Variants in GGCX observed in about 807,000 individuals in gnomAD.
GGCX encodes vitamin K-dependent gamma-carboxylase.
Under a neutral mutation model 88.5 loss-of-function variants are expected in GGCX, and 63 were observed. The observed-to-expected ratio is 0.71, with a 90% confidence interval of 0.58 to 0.88. The LOEUF is 0.88. Among genes scored for constraint, GGCX ranks in the 40% least tolerant of loss-of-function variants. The probability of loss-of-function intolerance (pLI) is 0.00; values close to 1 mark genes in which losing one functional copy is unlikely to be tolerated. For missense variants in GGCX, 805 were observed against 932.9 expected, an observed-to-expected ratio of 0.86 and a Z score of 1.79; for synonymous variants, 368 against 365.8, an observed-to-expected ratio of 1.01 and a Z score of -0.07.
chr2:85,555,121 C>T (rs1305677013), intron 6 of GGCX: 2 of 236,708 alleles, frequency 8.4e-6, no homozygotes, highest in African/African-American at 4.5e-5. Context: ...CCCATCTTCT[C>T]AGTACATCAG....
chr2:85,548,319 G>A lies in GGCX; in HGVS notation c.*1615C>T, dbSNP rs1691770789. ...ACCTAGAGATAACAGCTTGGCTAAG[G>A]TACAGAGCTGCCATTCAATAATAAA... On this transcript the variant is annotated 3_prime_UTR_variant, in exon 15 of 15. Coordinates refer to ENST00000233838, the MANE Select transcript of GGCX (RefSeq NM_000821.7). 6.6e-6 allele frequency: 1 copy of A among 152,174 alleles called. No homozygotes were observed. Among genetic ancestry groups the A allele is most frequent in the South Asian group, 2.1e-4 (1 of 4,830 alleles). The allele number at this position is 152,174 out of a possible 1,614,324, so 9.4% of individuals were successfully genotyped here.
At chr2:85,553,543 C>T (rs1692072391) in intron 7 of GGCX, 46 bp from the exon 8 acceptor site, 2 of 1,582,296 alleles carry the variant, frequency 1.3e-6, no homozygotes, top group Non-Finnish European at 1.7e-6. Flanking sequence ...TTTGGCTGGG[C>T]CTCTTCAACC....
chr2:85,556,499 T>C (rs1692207445), intron 4 of GGCX, among the ~76,000 whole-genome samples: 1 of 152,214 alleles, frequency 6.6e-6, no homozygotes, highest in Non-Finnish European at 1.5e-5. Flanking sequence ...TAGCTCCCAG[T>C]TGAGTTTGTT....
chr2:85,557,658 G>A (rs1457427759), intron 4 of GGCX, among the ~76,000 whole-genome samples: 4 of 152,018 alleles, frequency 2.6e-5, no homozygotes, highest in Admixed American at 2.0e-4. Flanking sequence ...TGTAATCCCA[G>A]CACTTTGGGA....
chr2:85,557,672 C>T (rs1336565856), intron 4 of GGCX, among the ~76,000 whole-genome samples: 4 of 151,952 alleles, frequency 2.6e-5, no homozygotes, highest in South Asian at 4.2e-4. Context: ...TTTGGGAGGC[C>T]GAGGTGGGAG....
rs2103969993 is a variant in GGCX at position 85,554,273 on chromosome 2, C to T, written c.759G>A (p.Leu253=). ...LLLSEELTSL[L]VVHWGGLLLD... ...GCAGCAGCCCACCCCAGTGCACGAC[C>T]AGCAGGCTAGTCAGCTCCTCAGACA... The change falls in exon 7 of 15, where the codon CTG becomes CTA. Residue 253 remains leucine (L), a synonymous_variant. Transcript: ENST00000233838. The T allele has an allele frequency of 1.9e-6, 3 of 1,613,990 alleles. No individual in the cohort carries two copies. The highest frequency in any genetic ancestry group is 2.2e-5 in the South Asian group (2 of 91,082).
Position 85,554,137 on chromosome 2 carries a change from A to G in GGCX, c.889+6T>C, listed in dbSNP as rs750528250. On this transcript the variant is annotated splice_donor_region_variant and intron_variant, in intron 7 of 14. Transcript: ENST00000233838. ...TCCTGTTTCCTCCCAGGCTACAGGT[A>G]CTGACCAATGCTGAAAAGCTGGGAA... is the stretch of plus-strand genomic sequence containing the variant. 1 of 1,609,114 alleles carries G rather than the reference A, an allele frequency of 6.2e-7. No individual in the cohort carries two copies. The highest frequency in any genetic ancestry group is 2.2e-5 in the East Asian group (1 of 44,856).
In GGCX at chr2:85,561,378, A is replaced by G. The variant is rs1692453986; in HGVS notation, c.43+8T>C. Reference sequence around the variant, plus strand: ...ACTCTCCGCCGGAGGGCGGGGTCCTAAGCCTACCTGAGCTGGGCGAGGTCC... The same window carrying G: ...ACTCTCCGCCGGAGGGCGGGGTCCTGAGCCTACCTGAGCTGGGCGAGGTCC... On this transcript the variant is annotated splice_region_variant and intron_variant, in intron 1 of 14. Transcript: ENST00000233838. 3.8e-6 allele frequency: 6 copies of G among 1,559,590 alleles called. No individual in the cohort carries two copies. Among genetic ancestry groups the G allele is most frequent in the Non-Finnish European group, 5.2e-6 (6 of 1,149,466 alleles).
At position 85,546,174 on chromosome 2, in the gene GGCX, A is replaced by G. The variant is rs1290802666; in HGVS notation, c.*3760T>C. ...CCTGTAATATAGGCCACTATATAGT[A>G]ATATAGGCGTGAGCCTATAATCCTA... On this transcript the variant is annotated 3_prime_UTR_variant, in exon 15 of 15. Transcript: ENST00000233838. 5 of 152,236 alleles carry G rather than the reference A, an allele frequency of 3.3e-5. No individual in the cohort carries two copies. The highest frequency in any genetic ancestry group is 5.9e-5 in the Non-Finnish European group (4 of 68,054). 9.4% of individuals were successfully genotyped at this position (152,236 alleles called of 1,614,324 possible). A position where few individuals can be genotyped will look rare whatever the true frequency, so the allele number is the denominator to read the frequency against.
At chr2:85,558,144 G>A (rs953389205) in intron 4 of GGCX, among the ~76,000 whole-genome samples, 3 of 152,212 alleles carry the variant, frequency 2.0e-5, no homozygotes, top group Non-Finnish European at 4.4e-5. Context: ...AAACAGCCAT[G>A]TCTGGCTTTA....
intron 3 of GGCX, 119 bp downstream of exon 3, chr2:85,558,798 G>T (rs1692313828): frequency 3.1e-6 from 3 of 960,052 alleles, no homozygotes; most frequent in African/African-American, 3.2e-5. Flanking sequence ...CAGGTCAACA[G>T]CATGAAATTG....
intron 6 of GGCX, chr2:85,554,622 C>T (rs1692127095): frequency 1.2e-5 from 5 of 407,390 alleles, no homozygotes; most frequent in East Asian, 5.1e-5. Context: ...CGTGCCACCA[C>T]GCCTAGCTGT....
Position 85,551,966 on chromosome 2 carries a change from A to C in GGCX, c.1455T>G (p.Arg485=). The C allele has an allele frequency of 6.2e-7, 1 of 1,613,918 alleles. No homozygotes were observed. The highest frequency in any genetic ancestry group is 8.5e-7 in the Non-Finnish European group (1 of 1,179,818). Residue 485 remains arginine, a synonymous_variant, in exon 11 of 15, where the codon CGT becomes CGG. Transcript: ENST00000233838. The stretch of plus-strand genomic sequence containing the variant: ...ACCAAGCGGCCTGCACGATGTCCAC[A>C]CGAGGGTCAAAAATCCTTAGGAAAG... ...DRFQQRIFDP[R]VDIVQAAWSP...
chr2:85,549,714 A>T lies in GGCX; in HGVS notation c.*220T>A, dbSNP rs1691837546. 1.8e-6 allele frequency: 1 copy of T among 547,874 alleles called. No individual in the cohort carries two copies. Among genetic ancestry groups the T allele is most frequent in the Non-Finnish European group, 3.2e-6 (1 of 308,566 alleles). 33.9% of individuals were successfully genotyped at this position (547,874 alleles called of 1,614,324 possible). A position where few individuals can be genotyped will look rare whatever the true frequency, so the allele number is the denominator to read the frequency against. On this transcript the variant is annotated 3_prime_UTR_variant, in exon 15 of 15. Transcript: ENST00000233838. ...AGGAGGACAGTTTCACATTGCGTCT[A>T]ACCTCTTCCTGGCCTCTTAATCTTG...
intron 2 of GGCX, 98 bp from the exon 3 acceptor site, chr2:85,559,173 CTTCTT>C: frequency 1.0e-6 from 1 of 982,696 alleles, no homozygotes. Context: ...CAGGGTCAGA[CTTCTT>C]TTCTAATCTT....
rs952049320 is a variant in GGCX, at chr2:85,550,831, A to G, written c.1889-81T>C. 19 of 1,578,622 alleles carry G rather than the reference A, an allele frequency of 1.2e-5. No homozygotes were observed. The African/African-American group carries it at 2.2e-4, about 18-fold the overall frequency. On this transcript the variant is annotated intron_variant, in intron 13 of 14. Transcript: ENST00000233838. The stretch of plus-strand genomic sequence containing the variant: ...AGAACTCCTCTTCTGCCAGCTAGAG[A>G]CTTCAAGTTCATTCTTGAATGGCTA...
At chr2:85,555,211 T>C (rs1692158183) in intron 6 of GGCX, 1 of 371,962 alleles carries the variant, frequency 2.7e-6, no homozygotes, top group South Asian at 2.3e-5. Context: ...GGGCACTGGC[T>C]CACTCACCAA....
At position 85,553,482 on chromosome 2, in the gene GGCX, A is replaced by G. The variant is rs754979894; in HGVS notation, c.905T>C (p.Val302Ala). 6.2e-7 allele frequency: 1 copy of G among 1,613,762 alleles called. No homozygotes were observed. Among genetic ancestry groups the G allele is most frequent in the East Asian group, 2.2e-5 (1 of 44,886 alleles). ...GAAGAGAGGGCTGCTGGCCAGCATG[A>G]CGTAGGAGAACATACCTAGGAAAGC... ...QLFSIGMFSY[V>A]MLASSPLFCS... Residue 302 changes from valine to alanine, a missense_variant, in exon 8 of 15, where the codon GTC becomes GCC. Val to Ala is a moderately conservative substitution (Grantham distance 64). Coordinates refer to ENST00000233838, the MANE Select transcript of GGCX (RefSeq NM_000821.7).
intron 7 of GGCX, 58 bp downstream of exon 7, chr2:85,554,085 G>C: frequency 7.4e-7 from 1 of 1,355,928 alleles, no homozygotes; most frequent in East Asian, 2.3e-5. Flanking sequence ...AATGCCTCTG[G>C]CTAGTCCCTT....
Sources: allele counts gnomAD v4.1 joint callset (sites outside exome capture counted in the v4.1 genomes callset), GRCh38; gene constraint gnomAD v4.1.1; transcripts MANE v1.5; gene names NCBI Gene and HGNC (gene_info 2026-07-23, HGNC 2026-07-21).